Variants in CDH18 observed in about 807,000 individuals in gnomAD.
CDH18 encodes cadherin-18.
CDH18 carries 31 observed loss-of-function variants against 67.9 expected under a neutral mutation model. The ratio of observed to expected loss-of-function variants is 0.46; its 90% CI spans 0.34 to 0.62. The LOEUF is 0.62. Ranked by LOEUF, CDH18 falls within the 20% of genes least tolerant of loss-of-function variation. CDH18 has a pLI of 0.01. For synonymous variants in CDH18, 362 were observed against 347.2 expected (o/e 1.04, Z -0.48); for missense variants, 890 against 975.5 (o/e 0.91, Z 1.17).
chr5:19,634,535 A>G (rs926647783), intron 5 of CDH18, among the ~76,000 whole-genome samples: 5 of 152,252 alleles, frequency 3.3e-5, no homozygotes, highest in Non-Finnish European at 5.9e-5. Flanking sequence ...GAGAAGCACA[A>G]GTAACATCAT....
intron 6 of CDH18, 28 bp from the exon 7 acceptor site, chr5:19,591,272 T>A: frequency 7.1e-7 from 1 of 1,412,286 alleles, no homozygotes; most frequent in Non-Finnish European, 9.6e-7. Context: ...TTAAACATAT[T>A]TAAATACAAT....
At chr5:20,125,869 C>G (rs1748777022) in intron 2 of CDH18, among the ~76,000 whole-genome samples, 2 of 152,138 alleles carry the variant, frequency 1.3e-5, no homozygotes, top group Admixed American at 1.3e-4. Flanking sequence ...TCTCCCTACA[C>G]TTGCTCAACC....
At chr5:20,461,511 A>C (rs1751265111) in intron 1 of CDH18, among the ~76,000 whole-genome samples, 2 of 152,110 alleles carry the variant, frequency 1.3e-5, no homozygotes, top group African/African-American at 4.8e-5. Context: ...CTCAAACCTG[A>C]TTATGGCAAT....
intron 1 of CDH18, among the ~76,000 whole-genome samples, chr5:20,505,885 C>T (rs1001388865): frequency 6.6e-6 from 1 of 152,182 alleles, no homozygotes; most frequent in South Asian, 2.1e-4. Flanking sequence ...CATACACTCC[C>T]CCACGAGAAA....
intron 2 of CDH18, among the ~76,000 whole-genome samples, chr5:20,148,418 A>G (rs1262637899): frequency 6.6e-6 from 1 of 152,106 alleles, no homozygotes; most frequent in African/African-American, 2.4e-5. Context: ...TTAAATTAAA[A>G]TTTATGTCTT....
chr5:19,715,705 C>T (rs141677039), intron 5 of CDH18, among the ~76,000 whole-genome samples: 1 of 151,866 alleles, frequency 6.6e-6, no homozygotes, highest in African/African-American at 2.4e-5. Flanking sequence ...AACTTTTTGA[C>T]TAAAAAGTTC....
chr5:20,283,876 A>T (rs1746478621), intron 1 of CDH18, among the ~76,000 whole-genome samples: 1 of 152,122 alleles, frequency 6.6e-6, no homozygotes, highest in African/African-American at 2.4e-5. Context: ...ATAAATCAAG[A>T]AAATGTGGTA....
At chr5:20,492,822 T>G (rs529303902) in intron 1 of CDH18, among the ~76,000 whole-genome samples, 1 of 152,182 alleles carries the variant, frequency 6.6e-6, no homozygotes, top group Non-Finnish European at 1.5e-5. Context: ...GCAGAGATAT[T>G]TTGATAACAC....
intron 2 of CDH18, among the ~76,000 whole-genome samples, chr5:20,021,857 C>A (rs778620593): frequency 2.6e-5 from 4 of 152,154 alleles, no homozygotes; most frequent in Non-Finnish European, 5.9e-5. Flanking sequence ...AAAATAATAT[C>A]ATAGGAATTT....
intron 4 of CDH18, among the ~76,000 whole-genome samples, chr5:19,737,041 A>G (rs1456663074): frequency 2.6e-5 from 4 of 152,234 alleles, no homozygotes; most frequent in Non-Finnish European, 4.4e-5. Context: ...GTGAGAACAC[A>G]GAAGTCTGGT....
chr5:20,540,925 A>G (rs1177422869), intron 1 of CDH18, among the ~76,000 whole-genome samples: 2 of 152,176 alleles, frequency 1.3e-5, no homozygotes, highest in African/African-American at 2.4e-5. Flanking sequence ...ATTGCCCACT[A>G]GAGCCTCCTT....
intron 8 of CDH18, among the ~76,000 whole-genome samples, chr5:19,563,710 G>A (rs1739856641): frequency 6.6e-6 from 1 of 152,158 alleles, no homozygotes; most frequent in South Asian, 2.1e-4. Context: ...CAACCCTGCA[G>A]GAACACTGAA....
At chr5:20,027,561 A>G (rs184581995) in intron 2 of CDH18, among the ~76,000 whole-genome samples, 1,660 of 152,266 alleles carry the variant, frequency 0.011, 21 homozygotes, top group African/African-American at 0.036. Flanking sequence ...TCTTAGGCTT[A>G]TAAGCATAAA....
At chr5:20,555,634 A>G (rs1757865566) in intron 1 of CDH18, among the ~76,000 whole-genome samples, 1 of 151,316 alleles carries the variant, frequency 6.6e-6, no homozygotes. Context: ...TTCCTGACAC[A>G]CAGAATCTTA....
intron 1 of CDH18, among the ~76,000 whole-genome samples, chr5:20,480,481 G>A (rs1231401570): frequency 6.6e-6 from 1 of 152,120 alleles, no homozygotes; most frequent in South Asian, 2.1e-4. Flanking sequence ...GCAATGGGGT[G>A]ATCCTAGCTC....
chr5:20,099,562 T>C (rs1312786540), intron 2 of CDH18, among the ~76,000 whole-genome samples: 11 of 151,706 alleles, frequency 7.3e-5, no homozygotes, highest in African/African-American at 2.7e-4. Flanking sequence ...TACTCAGAAT[T>C]ATTATTCTTG....
At chr5:19,930,471 T>C (rs1417888664) in intron 2 of CDH18, among the ~76,000 whole-genome samples, 2 of 152,048 alleles carry the variant, frequency 1.3e-5, no homozygotes, top group African/African-American at 4.8e-5. Flanking sequence ...TCTCATATTA[T>C]GGAAGTGTGA....
At chr5:20,435,568 T>C (rs1163948866) in intron 1 of CDH18, among the ~76,000 whole-genome samples, 1 of 151,884 alleles carries the variant, frequency 6.6e-6, no homozygotes, top group African/African-American at 2.4e-5. Flanking sequence ...ACTGACAAGT[T>C]AAAACCACTG....
In CDH18 at chr5:20,266,035, A is replaced by G. The variant is rs114316769; in HGVS notation, c.-579-10530T>C. On this transcript the variant is annotated intron_variant, in intron 1 of 14. Coordinates refer to the CDH18 transcript ENST00000507958. ...TCCATCTTCTCCTCCTCTTGGATAGAGGCACTCTCGGTTTTAGGGACTTTG... is the reference window on the plus strand; with the variant it reads ...TCCATCTTCTCCTCCTCTTGGATAGGGGCACTCTCGGTTTTAGGGACTTTG... 1.0e-3 allele frequency among the ~76,000 whole-genome samples: 155 copies of G among 152,282 alleles called. 1 individual carries two copies. Among genetic ancestry groups the G allele is most frequent in the African/African-American group, 3.6e-3 (149 of 41,556 alleles).
Sources: allele counts gnomAD v4.1 joint callset (sites outside exome capture counted in the v4.1 genomes callset), GRCh38; gene constraint gnomAD v4.1.1; transcripts MANE v1.5; gene names NCBI Gene and HGNC (gene_info 2026-07-23, HGNC 2026-07-21).